HSF1: variants seen among roughly 807,000 people sequenced by gnomAD.
HSF1 encodes heat shock factor protein 1.
A neutral mutation model predicts 51.7 loss-of-function variants in HSF1; 32 were observed. That is an observed-to-expected ratio of 0.62 (90% CI 0.47 to 0.83). The LOEUF is 0.83. Ranked by LOEUF, HSF1 falls within the 40% of genes least tolerant of loss-of-function variation. HSF1 has a pLI of 0.00. For missense variants in HSF1, 727 were observed against 717.0 expected, an observed-to-expected ratio of 1.01 and a Z score of -0.16; for synonymous variants, 396 against 309.7, an observed-to-expected ratio of 1.28 and a Z score of -2.92.
chr8:144,291,838 C>G lies in HSF1; in HGVS notation c.81C>G (p.Ser27Arg). The G allele has an allele frequency of 6.4e-7, 1 of 1,552,974 alleles. No individual in the cohort carries two copies. Among genetic ancestry groups the G allele is most frequent in the Non-Finnish European group, 8.7e-7 (1 of 1,154,580 alleles). Residue 27 changes from serine to arginine, a missense_variant, in exon 1 of 13, where the codon AGC becomes AGG. Around this residue, in one of 2 missense-constraint regions of HSF1, gnomAD observed 257 missense variants for 318.3 expected, o/e 0.81. Coordinates refer to ENST00000528838, the MANE Select transcript of HSF1 (RefSeq NM_005526.4). This position sits in a 1 kb window ranked among gnomAD's most constrained non-coding sequence, Gnocchi z 4.1. ...TGACCAAGCTGTGGACCCTCGTGAG[C>G]GACCCGGACACCGACGCGCTCATCT... ...AFLTKLWTLV[S>R]DPDTDALICW...
Position 144,314,318 on chromosome 8 carries a change from C to T in HSF1, c.1578C>T (p.Pro526=), listed in dbSNP as rs1368830265. 18 of 1,550,000 alleles carry T rather than the reference C, an allele frequency of 1.2e-5. No individual in the cohort carries two copies. The highest frequency in any genetic ancestry group is 2.4e-5 in the East Asian group (1 of 40,956). ...CGGAGCCTCCCAAAGCCAAGGACCC[C>T]ACTGTCTCCTAGAGGCCCCGGAGGA... The part of the protein sequence containing the change: ...TGSEPPKAKD[P]TVS The change falls in exon 13 of 13, where the codon CCC becomes CCT. Residue 526 remains proline, a synonymous_variant. Transcript: ENST00000528838.
intron 1 of HSF1, among the ~76,000 whole-genome samples, chr8:144,301,191 G>A (rs1815841980): frequency 6.6e-6 from 1 of 152,132 alleles, no homozygotes; most frequent in African/African-American, 2.4e-5. Flanking sequence ...GGCTGACATG[G>A]GTGGATCGCT....
Position 144,312,056 on chromosome 8 carries a change from A to G in HSF1, c.954A>G (p.Pro318=), listed in dbSNP as rs782781298. The part of the protein sequence containing the change: ...PRVEEASPGR[P]SSVDTLLSPT... The stretch of plus-strand genomic sequence containing the variant: ...TAGAGGAGGCGAGTCCCGGGCGCCC[A>G]TCTTCCGTGGACACCCTCTTGTCCC... Residue 318 remains proline (P), a synonymous_variant, in exon 9 of 13, where the codon CCA becomes CCG. Coordinates refer to ENST00000528838, the MANE Select transcript of HSF1 (RefSeq NM_005526.4). 7 of 1,611,238 alleles carry G rather than the reference A, an allele frequency of 4.3e-6. No homozygotes were observed. The highest frequency in any genetic ancestry group is 4.2e-6 in the Non-Finnish European group (5 of 1,179,578).
intron 2 of HSF1, 105 bp downstream of exon 2, chr8:144,309,119 G>T: frequency 1.1e-6 from 1 of 931,740 alleles, no homozygotes. Context: ...TCCTGTGCTG[G>T]CCAAGGGCAT....
intron 1 of HSF1, among the ~76,000 whole-genome samples, chr8:144,296,667 C>T (rs1254942112): frequency 1.3e-5 from 2 of 152,000 alleles, no homozygotes; most frequent in Non-Finnish European, 2.9e-5. Flanking sequence ...ACTAGCTGGA[C>T]GTGGTGGTGG....
At chr8:144,311,476 T>G (rs782213595) in intron 6 of HSF1, 29 bp from the exon 7 acceptor site, 1 of 1,612,088 alleles carries the variant, frequency 6.2e-7, no homozygotes, top group Non-Finnish European at 8.5e-7. Flanking sequence ...AGGTGGGGGG[T>G]GGTGGCTGAC....
In HSF1 at chr8:144,314,609, G is replaced by A; in HGVS notation, c.*279G>A. ...TTGTTCATAGTCAGAATTGTATTTTGGATTTTTACACAACTGTCCCGTTCC... is the reference window on the plus strand; with the variant it reads ...TTGTTCATAGTCAGAATTGTATTTTAGATTTTTACACAACTGTCCCGTTCC... On this transcript the variant is annotated 3_prime_UTR_variant, in exon 13 of 13. Transcript: ENST00000528838. 2 of 513,718 alleles carry A rather than the reference G, an allele frequency of 3.9e-6. No individual in the cohort carries two copies. Among genetic ancestry groups the A allele is most frequent in the Non-Finnish European group, 3.5e-6 (1 of 284,286 alleles). The allele number at this position is 513,718 out of a possible 1,614,324, so 31.8% of individuals were successfully genotyped here. A position where few individuals can be genotyped will look rare whatever the true frequency, so the allele number is the denominator to read the frequency against.
Position 144,291,852 on chromosome 8 carries a change from A to C in HSF1, c.95A>C (p.Asp32Ala). Residue 32 changes from aspartate (D) to alanine (A), a missense_variant, in exon 1 of 13, where the codon GAC becomes GCC. Coordinates refer to ENST00000528838, the MANE Select transcript of HSF1 (RefSeq NM_005526.4). This position sits in a 1 kb window ranked among gnomAD's most constrained non-coding sequence, Gnocchi z 4.1. ...ACCCTCGTGAGCGACCCGGACACCG[A>C]CGCGCTCATCTGCTGGAGCCCGGTG... ...LWTLVSDPDT[D>A]ALICWSPSGN... The C allele has an allele frequency of 6.5e-7, 1 of 1,542,944 alleles. No homozygotes were observed. The highest frequency in any genetic ancestry group is 2.7e-5 in the East Asian group (1 of 37,310).
chr8:144,310,293 C>G (rs1309243858), intron 4 of HSF1: 1 of 178,312 alleles, frequency 5.6e-6, no homozygotes, highest in Non-Finnish European at 1.2e-5. Flanking sequence ...CGCTGTCCCA[C>G]ACTCGCCTGG....
In HSF1 at chr8:144,291,734, C is replaced by G. The variant is rs1343715917; in HGVS notation, c.-24C>G. On this transcript the variant is annotated 5_prime_UTR_variant, in exon 1 of 13. Transcript: ENST00000528838. This position sits in a 1 kb window ranked among gnomAD's most constrained non-coding sequence, Gnocchi z 4.1. The stretch of plus-strand genomic sequence containing the variant: ...CGGCCCCTCTTTGCGGCCGCTCCCT[C>G]CGCCTATTCCCTCCTTGCTCGAGAT... The G allele has an allele frequency of 7.2e-7, 1 of 1,386,014 alleles. No individual in the cohort carries two copies. The highest frequency in any genetic ancestry group is 9.7e-7 in the Non-Finnish European group (1 of 1,027,854). 85.9% of individuals were successfully genotyped at this position (1,386,014 alleles called of 1,614,324 possible). A position where few individuals can be genotyped will look rare whatever the true frequency, so the allele number is the denominator to read the frequency against.
intron 4 of HSF1, 92 bp downstream of exon 4, chr8:144,309,988 C>A (rs1816505172): frequency 6.9e-7 from 1 of 1,455,270 alleles, no homozygotes; most frequent in African/African-American, 1.4e-5. Context: ...TGACCGGGGC[C>A]AGGTGCTCAG....
intron 4 of HSF1, chr8:144,310,887 TTGCCAGGATGGA>T: frequency 4.0e-6 from 2 of 495,366 alleles, no homozygotes; most frequent in Non-Finnish European, 7.4e-6. Context: ...CTCCAGGTGT[TTGCCAGGATGGA>T]TGCCAGGATC....
At chr8:144,301,860 G>A (rs782361665) in intron 1 of HSF1, among the ~76,000 whole-genome samples, 34 of 151,320 alleles carry the variant, frequency 2.2e-4, no homozygotes, top group African/African-American at 6.3e-4. Context: ...GCGAGACTCC[G>A]TCTCAAAAAA....
At position 144,314,160 on chromosome 8, in the gene HSF1, T is replaced by G. The variant is rs1554846090; in HGVS notation, c.1420T>G (p.Phe474Val). The change falls in exon 13 of 13, where the codon TTC becomes GTC. Residue 474 changes from phenylalanine (F) to valine (V), a missense_variant. Physicochemically the swap from Phe to Val is conservative, Grantham distance 50. Around this residue, in one of 2 missense-constraint regions of HSF1, gnomAD observed 470 missense variants for 398.8 expected, o/e 1.18. Transcript: ENST00000528838. The stretch of plus-strand genomic sequence containing the variant: ...GGTGCACTACACAGCGCAGCCGCTG[T>G]TCCTGCTGGACCCCGGCTCCGTGGA... ...QLVHYTAQPL[F>V]LLDPGSVDTG... 6.8e-7 allele frequency: 1 copy of G among 1,466,354 alleles called. No homozygotes were observed. Among genetic ancestry groups the G allele is most frequent in the Admixed American group, 2.1e-5 (1 of 47,822 alleles). The allele number at this position is 1,466,354 out of a possible 1,614,324, so 90.8% of individuals were successfully genotyped here.
intron 4 of HSF1, chr8:144,310,301 T>C: frequency 5.8e-6 from 1 of 172,294 alleles, no homozygotes. Flanking sequence ...CACACTCGCC[T>C]GGGCCCATGG....
Position 144,314,315 on chromosome 8 carries a change from C to T in HSF1, c.1575C>T (p.Asp525=), listed in dbSNP as rs1554846232. ...GCTCGGAGCCTCCCAAAGCCAAGGA[C>T]CCCACTGTCTCCTAGAGGCCCCGGA... ...LTGSEPPKAK[D]PTVS The change falls in exon 13 of 13, where the codon GAC becomes GAT. Residue 525 remains aspartate (D), a synonymous_variant. Coordinates refer to ENST00000528838, the MANE Select transcript of HSF1 (RefSeq NM_005526.4). The T allele has an allele frequency of 6.5e-7, 1 of 1,550,190 alleles. No homozygotes were observed. The highest frequency in any genetic ancestry group is 2.4e-5 in the East Asian group (1 of 40,944).
intron 1 of HSF1, among the ~76,000 whole-genome samples, chr8:144,300,235 T>TTTTC (rs1815767590): frequency 6.7e-6 from 1 of 148,968 alleles, no homozygotes; most frequent in Non-Finnish European, 1.5e-5. Context: ...TTTTTTTTTT[T>TTTTC]GAGACGGAGT....
Position 144,302,161 on chromosome 8 carries a change from G to A in HSF1, c.118-6745G>A, listed in dbSNP as rs145055057. On this transcript the variant is annotated intron_variant, in intron 1 of 12. Coordinates refer to ENST00000528838, the MANE Select transcript of HSF1 (RefSeq NM_005526.4). ...AGCCTGGGCGACACAGCGAGACTCCGTCTCCAAAAAAAAAAATTTTTTTTT... is the reference window on the plus strand; with the variant it reads ...AGCCTGGGCGACACAGCGAGACTCCATCTCCAAAAAAAAAAATTTTTTTTT... Among the ~76,000 whole-genome samples, 492 of 146,030 alleles carry A rather than the reference G, an allele frequency of 3.4e-3. 2 individuals are homozygous for A. The highest frequency in any genetic ancestry group is 0.012 in the African/African-American group (475 of 39,494).
intron 1 of HSF1, among the ~76,000 whole-genome samples, chr8:144,306,062 A>C (rs933384160): frequency 6.6e-6 from 1 of 152,236 alleles, no homozygotes; most frequent in African/African-American, 2.4e-5. Context: ...TGAGTTATTA[A>C]ACTCTTCAGC....
Sources: allele counts gnomAD v4.1 joint callset (sites outside exome capture counted in the v4.1 genomes callset), GRCh38; gene constraint gnomAD v4.1.1; regional missense constraint gnomAD v4.1.1; non-coding constraint Gnocchi (gnomAD v3.1); transcripts MANE v1.5; gene names NCBI Gene and HGNC (gene_info 2026-07-23, HGNC 2026-07-21).